DEPTOR: variants seen among roughly 807,000 people sequenced by gnomAD.
DEPTOR encodes the protein DEP domain containing MTOR interacting protein.
A neutral mutation model predicts 41.6 loss-of-function variants in DEPTOR; 41 were observed. That is an observed-to-expected ratio of 0.98 (90% confidence interval 0.77 to 1.28). The LOEUF is 1.28. DEPTOR is among the 50% of genes most tolerant of loss of function. The probability of loss-of-function intolerance (pLI) is 0.00; values close to 1 mark genes in which losing one functional copy is unlikely to be tolerated. For synonymous variants in DEPTOR, 195 were observed against 192.3 expected, an observed-to-expected ratio of 1.01 and a Z score of -0.12; for missense variants, 514 against 527.9, an observed-to-expected ratio of 0.97 and a Z score of 0.26.
chr8:119,922,731 A>G (rs1827912950), intron 1 of DEPTOR, among the ~76,000 whole-genome samples: 1 of 152,170 alleles, frequency 6.6e-6, no homozygotes, highest in Non-Finnish European at 1.5e-5. Context: ...TTTACCAGTA[A>G]AAACTCTGAT....
intron 1 of DEPTOR, among the ~76,000 whole-genome samples, chr8:119,915,967 A>G (rs896919709): frequency 3.3e-5 from 5 of 149,394 alleles, no homozygotes; most frequent in Non-Finnish European, 3.0e-5. Flanking sequence ...AAAAAAAAAA[A>G]GCTGAAATGC....
chr8:120,049,718 C>A lies in DEPTOR; in HGVS notation c.*14C>A. The A allele has an allele frequency of 6.2e-7, 1 of 1,613,234 alleles. No individual in the cohort carries two copies. Among genetic ancestry groups the A allele is most frequent in the Non-Finnish European group, 8.5e-7 (1 of 1,179,598 alleles). ...TTAGAGTGCTGAGCTCCTGGGCCTC[C>A]CAGCCCTCCAGTGGCCTGTGGGTGA... On this transcript the variant is annotated 3_prime_UTR_variant, in exon 9 of 9. Coordinates refer to ENST00000286234, the MANE Select transcript of DEPTOR (RefSeq NM_022783.4).
intron 1 of DEPTOR, among the ~76,000 whole-genome samples, chr8:119,920,899 G>C (rs1181641420): frequency 6.6e-6 from 1 of 151,962 alleles, no homozygotes; most frequent in African/African-American, 2.4e-5. Context: ...GCTTCCTGTT[G>C]CTTTCTTGGC....
At chr8:119,937,007 G>C (rs1333430737) in intron 3 of DEPTOR, among the ~76,000 whole-genome samples, 4 of 152,102 alleles carry the variant, frequency 2.6e-5, no homozygotes, top group African/African-American at 4.8e-5. Context: ...CTGGGTGACA[G>C]AGTGAGACTC....
intron 8 of DEPTOR, among the ~76,000 whole-genome samples, chr8:120,022,157 T>TA (rs34125548): frequency 0.14 from 13,429 of 93,688 alleles, 1,439 homozygotes; most frequent in African/African-American, 0.27. Context: ...GACCCCATCT[T>TA]AAAAAAAAAA....
chr8:119,987,375 AG>A (rs1828841830), intron 4 of DEPTOR, among the ~76,000 whole-genome samples: 1 of 152,120 alleles, frequency 6.6e-6, no homozygotes. Context: ...AGAACAGCAA[AG>A]ATTGCTGCCT....
intron 1 of DEPTOR, among the ~76,000 whole-genome samples, chr8:119,887,090 A>C: frequency 7.5e-6 from 1 of 133,772 alleles, no homozygotes; most frequent in South Asian, 2.5e-4. Context: ...ATGTGTTTTT[A>C]CCAGTCCCTT....
chr8:119,972,271 A>G (rs1828642835), intron 4 of DEPTOR, among the ~76,000 whole-genome samples: 1 of 152,172 alleles, frequency 6.6e-6, no homozygotes, highest in South Asian at 2.1e-4. Flanking sequence ...CTATTCACGT[A>G]TGTATTTCCC....
intron 1 of DEPTOR, among the ~76,000 whole-genome samples, chr8:119,893,034 C>T (rs572428109): frequency 4.6e-5 from 7 of 152,144 alleles, no homozygotes; most frequent in African/African-American, 1.4e-4. Context: ...CCACCTGCCT[C>T]GGCCTCCCAA....
chr8:120,039,029 G>A (rs914464928), intron 8 of DEPTOR, among the ~76,000 whole-genome samples: 4 of 152,160 alleles, frequency 2.6e-5, no homozygotes, highest in Admixed American at 6.6e-5. Context: ...ACTATGGTCC[G>A]AATGTTTACA....
At chr8:120,016,461 G>A (rs1290272173) in intron 8 of DEPTOR, among the ~76,000 whole-genome samples, 3 of 151,910 alleles carry the variant, frequency 2.0e-5, no homozygotes, top group Non-Finnish European at 4.4e-5. Context: ...ACCACACCCA[G>A]CTAATTTTTT....
intron 4 of DEPTOR, among the ~76,000 whole-genome samples, chr8:119,985,942 C>T (rs577113734): frequency 8.9e-5 from 13 of 146,766 alleles, no homozygotes; most frequent in African/African-American, 1.3e-4. Context: ...AGATGGGTCT[C>T]CTGAATACAG....
intron 1 of DEPTOR, among the ~76,000 whole-genome samples, chr8:119,889,643 AGGGGAGGATGG>A (rs1827424211): frequency 4.1e-5 from 1 of 24,272 alleles, no homozygotes; most frequent in Non-Finnish European, 7.6e-5. Flanking sequence ...AGGGGAGGGG[AGGGGAGGATGG>A]GGAGGGGAGG....
In DEPTOR at chr8:119,874,005, C is replaced by T. The variant is rs777505696; in HGVS notation, c.122+37C>T. The T allele has an allele frequency of 1.9e-6, 3 of 1,611,818 alleles. No homozygotes were observed. The East Asian group carries it at 6.7e-5, about 36-fold the overall frequency. On this transcript the variant is annotated intron_variant, in intron 1 of 8. Coordinates refer to ENST00000286234, the MANE Select transcript of DEPTOR (RefSeq NM_022783.4). ...GACACAGCGGGTGAGCTCACGATGG[C>T]ACTGCCAACGCGTGCCCGCTGCAGT...
intron 6 of DEPTOR, among the ~76,000 whole-genome samples, chr8:120,006,561 C>G (rs1276275790): frequency 6.6e-6 from 1 of 151,772 alleles, no homozygotes; most frequent in Non-Finnish European, 1.5e-5. Flanking sequence ...CCCTTATCCC[C>G]ACCCCTGGCA....
chr8:119,896,720 A>T (rs1372992969), intron 1 of DEPTOR, among the ~76,000 whole-genome samples: 1 of 151,240 alleles, frequency 6.6e-6, no homozygotes, highest in Non-Finnish European at 1.5e-5. Context: ...CTGGTCTCAA[A>T]CTCCTGACCT....
chr8:120,027,227 A>T (rs1586663898), intron 8 of DEPTOR, among the ~76,000 whole-genome samples: 1 of 128,874 alleles, frequency 7.8e-6, no homozygotes, highest in East Asian at 2.3e-4. Flanking sequence ...TCAAAAAAAT[A>T]AAAATAAAAT....
intron 1 of DEPTOR, among the ~76,000 whole-genome samples, chr8:119,878,629 T>C (rs947884008): frequency 6.6e-5 from 10 of 151,554 alleles, no homozygotes; most frequent in Non-Finnish European, 1.3e-4. Context: ...GCCCGGCCAA[T>C]CCTCACACTT....
At chr8:119,928,682 T>C in intron 2 of DEPTOR, 104 bp downstream of exon 2, 6 of 1,266,796 alleles carry the variant, frequency 4.7e-6, no homozygotes, top group Non-Finnish European at 6.4e-6. Flanking sequence ...TTATTTTATC[T>C]CCAGTGTACC....
Sources: allele counts gnomAD v4.1 joint callset (sites outside exome capture counted in the v4.1 genomes callset), GRCh38; gene constraint gnomAD v4.1.1; transcripts MANE v1.5; gene names NCBI Gene and HGNC (gene_info 2026-07-23, HGNC 2026-07-21).